The following EML1 variants were observed in gnomAD, a reference collection of about 807,000 sequenced individuals.
EML1 encodes the protein echinoderm microtubule-associated protein-like 1.
EML1 carries 27 observed loss-of-function variants against 110.4 expected under a neutral mutation model. That is an observed-to-expected ratio of 0.24 (90% CI 0.18 to 0.34). The LOEUF is 0.34. Among genes scored for constraint, EML1 ranks in the 10% least tolerant of loss-of-function variants. The pLI, the probability that EML1 is intolerant of heterozygous loss-of-function variation, is 1.00. For synonymous variants in EML1, 344 were observed against 385.8 expected, an observed-to-expected ratio of 0.89 and a Z score of 1.27; for missense variants, 741 against 1,030.9, an observed-to-expected ratio of 0.72 and a Z score of 3.85.
intron 3 of EML1, among the ~76,000 whole-genome samples, chr14:99,873,271 A>T (rs899367157): frequency 6.6e-6 from 1 of 152,240 alleles, no homozygotes; most frequent in Non-Finnish European, 1.5e-5. Context: ...ATGCTCTGTG[A>T]CAAATGTGAG....
chr14:99,816,523 A>G (rs565342643), intron 1 of EML1, among the ~76,000 whole-genome samples: 1 of 152,358 alleles, frequency 6.6e-6, no homozygotes, highest in South Asian at 2.1e-4. Context: ...CTCGTGCTAC[A>G]GATAAGGACA....
intron 17 of EML1, among the ~76,000 whole-genome samples, chr14:99,931,209 C>T (rs528962552): frequency 1.2e-4 from 18 of 152,206 alleles, no homozygotes; most frequent in Non-Finnish European, 1.9e-4. Flanking sequence ...CATAGCTGCA[C>T]GGCTGTTCCT....
intron 4 of EML1, among the ~76,000 whole-genome samples, chr14:99,879,646 A>G (rs974299720): frequency 1.3e-5 from 2 of 152,242 alleles, no homozygotes; most frequent in African/African-American, 4.8e-5. Flanking sequence ...GGTCAGGTCC[A>G]CGGTCTATTA....
At chr14:99,792,473 C>T (rs1008456132), upstream of EML1, among the ~76,000 whole-genome samples, 8 of 152,168 alleles carry the variant, frequency 5.3e-5, no homozygotes, top group Non-Finnish European at 1.2e-4. Context: ...GTATAAAATG[C>T]GAACCATTAA....
intron 1 of EML1, among the ~76,000 whole-genome samples, chr14:99,765,468 C>A (rs2057358432): frequency 6.6e-6 from 1 of 152,120 alleles, no homozygotes; most frequent in Admixed American, 6.5e-5. Flanking sequence ...TGAGTGTAAT[C>A]ATATAGTATT....
upstream of EML1, among the ~76,000 whole-genome samples, chr14:99,771,485 T>G (rs956839995): frequency 6.6e-6 from 1 of 152,220 alleles, no homozygotes; most frequent in Non-Finnish European, 1.5e-5. Context: ...CTGAGAGACA[T>G]GTGGATTGTT....
At chr14:99,932,050 G>A (rs1373716764) in intron 17 of EML1, among the ~76,000 whole-genome samples, 4 of 152,110 alleles carry the variant, frequency 2.6e-5, no homozygotes, top group African/African-American at 9.7e-5. Context: ...TGGTGGGTGC[G>A]TGCTAAGGAC....
At chr14:99,828,808 A>C (rs960987678) in intron 1 of EML1, among the ~76,000 whole-genome samples, 1 of 152,246 alleles carries the variant, frequency 6.6e-6, no homozygotes, top group African/African-American at 2.4e-5. Flanking sequence ...TGGAGAAAAG[A>C]AAATGTTATT....
rs1413478976 is a variant in EML1 at position 99,812,614 on chromosome 14, C to T, written c.67+19071C>T. On this transcript the variant is annotated intron_variant, in intron 1 of 21. Transcript: ENST00000262233. ...CTTTGCCTGGCTCAGAGGTGTCTTC[C>T]ATACCAAAGAGGCTCAGAGTGTCAG... is the stretch of plus-strand genomic sequence containing the variant. 5.4e-5 allele frequency among the ~76,000 whole-genome samples: 8 copies of T among 148,180 alleles called. No homozygotes were observed. The East Asian group carries it at 1.5e-3, about 29-fold the overall frequency.
rs532875322 is a variant in EML1 at position 99,936,370 on chromosome 14, C to T, written c.2095+36C>T. 4 of 1,592,676 alleles carry T rather than the reference C, an allele frequency of 2.5e-6. No individual in the cohort carries two copies. Among genetic ancestry groups the T allele is most frequent in the Admixed American group, 3.3e-5 (2 of 59,724 alleles). ...CCCCGGGGTTGTATGAAGTCTCGAT[C>T]TCAGAAAGCGTTCACTCTGAGATCC... is the stretch of plus-strand genomic sequence containing the variant. On this transcript the variant is annotated intron_variant, in intron 19 of 21. Transcript: ENST00000262233. This position sits in a 1 kb window ranked among gnomAD's most constrained non-coding sequence, Gnocchi z 5.5.
At chr14:99,763,270 G>A (rs1159884015) in intron 1 of EML1, among the ~76,000 whole-genome samples, 1 of 152,186 alleles carries the variant, frequency 6.6e-6, no homozygotes, top group Non-Finnish European at 1.5e-5. Flanking sequence ...TTTATCAGCA[G>A]TGCAACTAAT....
chr14:99,844,498 G>C (rs905687903), intron 1 of EML1, among the ~76,000 whole-genome samples: 5 of 149,688 alleles, frequency 3.3e-5, no homozygotes, highest in Non-Finnish European at 5.9e-5. Flanking sequence ...AAAAAAATTG[G>C]CAAAACCAAT....
upstream of EML1, among the ~76,000 whole-genome samples, chr14:99,790,235 AAT>A (rs2057648641): frequency 6.6e-6 from 1 of 152,210 alleles, no homozygotes; most frequent in South Asian, 2.1e-4. Flanking sequence ...TGAAGTTTTA[AAT>A]ATATGTCTCC....
At chr14:99,786,676 C>A (rs981580249) in intron 1 of EML1, among the ~76,000 whole-genome samples, 1 of 152,214 alleles carries the variant, frequency 6.6e-6, no homozygotes, top group East Asian at 1.9e-4. Flanking sequence ...CGAAGAGGAG[C>A]TTTCGGATAG....
chr14:99,756,731 T>G (rs530038892), intron 1 of EML1, among the ~76,000 whole-genome samples: 25 of 152,236 alleles, frequency 1.6e-4, no homozygotes, highest in African/African-American at 5.5e-4. Flanking sequence ...ACCTGTGGAA[T>G]CTGAATCTTG....
chr14:99,751,403 T>A (rs1595236412), intron 1 of EML1, among the ~76,000 whole-genome samples: 1 of 152,162 alleles, frequency 6.6e-6, no homozygotes, highest in South Asian at 2.1e-4. Context: ...TGCTGAATGG[T>A]CAATCAGCCA....
rs148921169 is a variant in EML1 at position 99,898,464 on chromosome 14, T to C, written c.897+162T>C. 8.5e-3 allele frequency among the ~76,000 whole-genome samples: 1,293 copies of C among 152,276 alleles called. 12 individuals are homozygous for C. Among genetic ancestry groups the C allele is most frequent in the African/African-American group, 0.03 (1,228 of 41,550 alleles). ...TTTTTATTGTAAATTAGAAGACTTATTGTGTGGCAGGGTGCGGTGGCTCAC... is the reference window on the plus strand; with the variant it reads ...TTTTTATTGTAAATTAGAAGACTTACTGTGTGGCAGGGTGCGGTGGCTCAC... On this transcript the variant is annotated intron_variant, in intron 8 of 21. Transcript: ENST00000262233.
Position 99,936,840 on chromosome 14 carries a change from C to T in EML1, c.2095+506C>T, listed in dbSNP as rs1326870475. 3.9e-5 allele frequency among the ~76,000 whole-genome samples: 6 copies of T among 152,164 alleles called. No homozygotes were observed. Among genetic ancestry groups the T allele is most frequent in the Non-Finnish European group, 5.9e-5 (4 of 68,018 alleles). On this transcript the variant is annotated intron_variant, in intron 19 of 21. Transcript: ENST00000262233. This position sits in a 1 kb window ranked among gnomAD's most constrained non-coding sequence, Gnocchi z 5.5. ...AGTGCTTGGGAACAGCGAGGATGAT[C>T]GTGGCGGGCACTTACAAGCACATCC...
At chr14:99,908,939 T>A (rs1050417237) in intron 10 of EML1, among the ~76,000 whole-genome samples, 3 of 152,220 alleles carry the variant, frequency 2.0e-5, no homozygotes, top group African/African-American at 7.2e-5. Flanking sequence ...TTTCTGGTGA[T>A]TCCATTTGTT....
Sources: gnomAD v4.1 joint callset for allele counts (sites outside exome capture counted in the v4.1 genomes callset) on GRCh38, gnomAD v4.1.1 for gene constraint, Gnocchi (gnomAD v3.1) non-coding constraint, MANE v1.5 for transcripts, NCBI Gene and HGNC (gene_info 2026-07-23, HGNC 2026-07-21) for gene names.